Variants in SLC24A4 observed in about 807,000 individuals in gnomAD.
The protein encoded by SLC24A4 is solute carrier family 24 member 4.
SLC24A4 carries 53 observed loss-of-function variants against 79.0 expected under a neutral mutation model. The observed-to-expected ratio is 0.67, with a 90% CI of 0.54 to 0.84. SLC24A4 has a LOEUF of 0.84. Ranked by LOEUF, SLC24A4 falls within the 40% of genes least tolerant of loss-of-function variation. SLC24A4 has a pLI of 0.00. For synonymous variants in SLC24A4, 323 were observed against 323.8 expected, an observed-to-expected ratio of 1.00 and a Z score of 0.03; for missense variants, 731 against 822.0, an observed-to-expected ratio of 0.89 and a Z score of 1.35.
At chr14:92,360,157 C>T (rs1412059963) in intron 2 of SLC24A4, among the ~76,000 whole-genome samples, 1 of 152,222 alleles carries the variant, frequency 6.6e-6, no homozygotes, top group Non-Finnish European at 1.5e-5. Flanking sequence ...CTCTTGACCT[C>T]ATAATCTGCC....
At chr14:92,473,894 G>C (rs942806234) in intron 12 of SLC24A4, among the ~76,000 whole-genome samples, 2 of 152,212 alleles carry the variant, frequency 1.3e-5, no homozygotes, top group Non-Finnish European at 2.9e-5. Context: ...AAATGTGCCT[G>C]GGAGAAATGA....
At chr14:92,355,347 G>A (rs1213356528) in intron 2 of SLC24A4, among the ~76,000 whole-genome samples, 3 of 152,152 alleles carry the variant, frequency 2.0e-5, no homozygotes, top group Non-Finnish European at 4.4e-5. Context: ...GCAGATGGTG[G>A]CACAGGGTCT....
chr14:92,329,943 T>C (rs1885371204), intron 2 of SLC24A4, among the ~76,000 whole-genome samples: 1 of 152,244 alleles, frequency 6.6e-6, no homozygotes, highest in Non-Finnish European at 1.5e-5. Context: ...TAAGATCACC[T>C]CAAGAGCTTT....
At chr14:92,406,145 C>T (rs1890362206) in intron 2 of SLC24A4, among the ~76,000 whole-genome samples, 2 of 152,230 alleles carry the variant, frequency 1.3e-5, no homozygotes, top group African/African-American at 4.8e-5. Context: ...GTAGGGCAGT[C>T]ATTAAATCTT....
chr14:92,470,012 G>C (rs4497611), intron 12 of SLC24A4, among the ~76,000 whole-genome samples: 102,639 of 152,104 alleles, frequency 0.67, 35,746 homozygotes, highest in Non-Finnish European at 0.76. Context: ...TTCAAATATG[G>C]TAAAACCTGC....
intron 2 of SLC24A4, among the ~76,000 whole-genome samples, chr14:92,336,360 A>T (rs1189112489): frequency 6.6e-6 from 1 of 152,250 alleles, no homozygotes; most frequent in African/African-American, 2.4e-5. Context: ...TGCCGGAATA[A>T]TTTACTGCTC....
chr14:92,340,246 C>G (rs1484579082), intron 2 of SLC24A4, among the ~76,000 whole-genome samples: 1 of 152,172 alleles, frequency 6.6e-6, no homozygotes, highest in African/African-American at 2.4e-5. Context: ...GAGGCTGGGA[C>G]AAAGGAGAGA....
chr14:92,338,974 T>C lies in SLC24A4; in HGVS notation c.241+12996T>C, dbSNP rs117316707. On this transcript the variant is annotated intron_variant, in intron 2 of 16. Coordinates refer to ENST00000532405, the MANE Select transcript of SLC24A4 (RefSeq NM_153646.4). ...ATGACTGGATGGACAGAGTCCCTCA[T>C]TGCACCCCTCAGGGAGCTGTGCCCC... Among the ~76,000 whole-genome samples the C allele has an allele frequency of 4.0e-4, 61 of 152,324 alleles. No homozygotes were observed. The East Asian group carries it at 0.011, about 27-fold the overall frequency.
chr14:92,443,257 A>T, intron 6 of SLC24A4, 143 bp from the exon 7 acceptor site: 1 of 745,738 alleles, frequency 1.3e-6, no homozygotes, highest in Non-Finnish European at 2.3e-6. Flanking sequence ...TCCCCAAATT[A>T]TAACAAAGAA....
chr14:92,442,098 C>T lies in SLC24A4; in HGVS notation c.403C>T (p.Leu135=). 4 of 1,613,884 alleles carry T rather than the reference C, an allele frequency of 2.5e-6. No individual in the cohort carries two copies. The South Asian group carries it at 4.4e-5, about 18-fold the overall frequency. The change falls in exon 5 of 17, where the codon CTG becomes TTG. Residue 135 remains leucine, a synonymous_variant. Transcript: ENST00000532405. The stretch of plus-strand genomic sequence containing the variant: ...GTCACTTCCGTTTCAGAGACTCCAT[C>T]TGAGCGAAGATGTGGCTGGAGCCAC... ...SLEKICERLH[L]SEDVAGATFM...
intron 2 of SLC24A4, among the ~76,000 whole-genome samples, chr14:92,433,394 T>C (rs1211726446): frequency 6.6e-6 from 1 of 152,214 alleles, no homozygotes; most frequent in Non-Finnish European, 1.5e-5. Context: ...TTATGAGCAA[T>C]ATGGCTATGA....
chr14:92,483,719 C>A, intron 13 of SLC24A4: 1 of 1,289,336 alleles, frequency 7.8e-7, no homozygotes, highest in Non-Finnish European at 1.0e-6. Context: ...TTCTCCTCCT[C>A]ATTCCCAGGA....
chr14:92,382,059 G>C, intron 2 of SLC24A4, among the ~76,000 whole-genome samples: 1 of 151,434 alleles, frequency 6.6e-6, no homozygotes. Context: ...TTAAAATGTT[G>C]GTCAACTCCC....
rs915838853 is a variant in SLC24A4 at position 92,323,608 on chromosome 14, C to A, written c.-223C>A. On this transcript the variant is annotated 5_prime_UTR_variant, in exon 1 of 17. Coordinates refer to ENST00000532405, the MANE Select transcript of SLC24A4 (RefSeq NM_153646.4). The surrounding 1 kb of genome is among the most constrained non-coding windows in gnomAD (Gnocchi z 4.9). ...GGAGCCATGGTGCGCGCAGCGCGCA[C>A]GCGGCGCGCGGGACTCTGAGCTCCG... 2.4e-6 allele frequency: 1 copy of A among 413,398 alleles called. No homozygotes were observed. 25.6% of individuals were successfully genotyped at this position (413,398 alleles called of 1,614,324 possible). A position where few individuals can be genotyped will look rare whatever the true frequency, so the allele number is the denominator to read the frequency against.
At chr14:92,359,680 A>C in intron 2 of SLC24A4, among the ~76,000 whole-genome samples, 1 of 152,210 alleles carries the variant, frequency 6.6e-6, no homozygotes, top group East Asian at 1.9e-4. Context: ...AGTAATTATA[A>C]AGTAAAAACT....
In SLC24A4 at chr14:92,411,757, A is replaced by G. The variant is rs573882543; in HGVS notation, c.242-22155A>G. 2.3e-4 allele frequency among the ~76,000 whole-genome samples: 35 copies of G among 152,312 alleles called. No individual in the cohort carries two copies. The South Asian group carries it at 3.3e-3, about 14-fold the overall frequency. On this transcript the variant is annotated intron_variant, in intron 2 of 16. Transcript: ENST00000532405. ...CCAGCAATGATTGAGCACATACTCT[A>G]TATAAGGGGCACTGTCTAGAGATAA...
At position 92,323,742 on chromosome 14, in the gene SLC24A4, T is replaced by G; in HGVS notation, c.-89T>G. On this transcript the variant is annotated 5_prime_UTR_variant, in exon 1 of 17. Coordinates refer to ENST00000532405, the MANE Select transcript of SLC24A4 (RefSeq NM_153646.4). This position sits in a 1 kb window ranked among gnomAD's most constrained non-coding sequence, Gnocchi z 4.9. ...CGCCTCTGAGTCGCGCACCGCCTGC[T>G]CCAGCCCCAGCGCCGCTCGGCCACT... is the stretch of plus-strand genomic sequence containing the variant. 6.8e-7 allele frequency: 1 copy of G among 1,463,670 alleles called. No individual in the cohort carries two copies. The highest frequency in any genetic ancestry group is 9.0e-7 in the Non-Finnish European group (1 of 1,105,104). The allele number at this position is 1,463,670 out of a possible 1,614,324, so 90.7% of individuals were successfully genotyped here.
At chr14:92,439,769 G>A (rs911602928) in intron 4 of SLC24A4, among the ~76,000 whole-genome samples, 4 of 152,246 alleles carry the variant, frequency 2.6e-5, no homozygotes, top group Non-Finnish European at 5.9e-5. Context: ...CAAGTGGCAG[G>A]TGACAGGTGG....
chr14:92,362,131 TG>T (rs1887567035), intron 2 of SLC24A4, among the ~76,000 whole-genome samples: 1 of 152,156 alleles, frequency 6.6e-6, no homozygotes, highest in African/African-American at 2.4e-5. Flanking sequence ...CTTTCGTGCT[TG>T]GCTGCACTAA....
Sources: gnomAD v4.1 joint callset for allele counts (sites outside exome capture counted in the v4.1 genomes callset) on GRCh38, gnomAD v4.1.1 for gene constraint, Gnocchi (gnomAD v3.1) non-coding constraint, MANE v1.5 for transcripts, NCBI Gene and HGNC (gene_info 2026-07-23, HGNC 2026-07-21) for gene names.